Variants in CDH13 observed in about 807,000 individuals in gnomAD.
The protein encoded by CDH13 is cadherin-13.
Under a neutral mutation model 63.8 loss-of-function variants are expected in CDH13, and 24 were observed. The ratio of observed to expected loss-of-function variants is 0.38; its 90% CI spans 0.27 to 0.53. The LOEUF (loss-of-function observed/expected upper bound fraction) is 0.53, where lower values mean the gene tolerates loss of function less well. Among genes scored for constraint, CDH13 ranks in the 20% least tolerant of loss-of-function variants. The pLI, the probability that CDH13 is intolerant of heterozygous loss-of-function variation, is 0.85. For missense variants in CDH13, 1,049 were observed against 903.1 expected, an observed-to-expected ratio of 1.16 and a Z score of -2.07; for synonymous variants, 503 against 355.3, an observed-to-expected ratio of 1.42 and a Z score of -4.67.
intron 2 of CDH13, among the ~76,000 whole-genome samples, chr16:83,000,617 T>G (rs1436106192): frequency 7.0e-6 from 1 of 143,042 alleles, no homozygotes; most frequent in Non-Finnish European, 1.5e-5. Flanking sequence ...TGAGAGGGAG[T>G]CTCGTTCTGT....
intron 6 of CDH13, chr16:83,398,049 A>G (rs544120922): frequency 6.6e-6 from 1 of 152,312 alleles, no homozygotes; most frequent in South Asian, 2.1e-4. Flanking sequence ...CCACAATTCA[A>G]TTACTCTAGA....
intron 6 of CDH13, among the ~76,000 whole-genome samples, chr16:83,410,949 CT>C (rs1407372819): frequency 6.6e-6 from 1 of 152,178 alleles, no homozygotes; most frequent in Non-Finnish European, 1.5e-5. Flanking sequence ...ACTGTCAGTG[CT>C]TCCAGTCTTT....
intron 5 of CDH13, among the ~76,000 whole-genome samples, chr16:83,325,437 G>T (rs1013093327): frequency 6.6e-6 from 1 of 152,090 alleles, no homozygotes; most frequent in Non-Finnish European, 1.5e-5. Flanking sequence ...TAGCATATGG[G>T]TTGGAAAACG....
At chr16:82,816,382 C>T (rs1025014473) in intron 1 of CDH13, among the ~76,000 whole-genome samples, 11 of 151,964 alleles carry the variant, frequency 7.2e-5, no homozygotes, top group Non-Finnish European at 1.5e-4. Flanking sequence ...GCTTATATTC[C>T]GGGGGGAAAA....
chr16:82,876,352 A>C (rs2040502042), intron 2 of CDH13, among the ~76,000 whole-genome samples: 1 of 152,230 alleles, frequency 6.6e-6, no homozygotes, highest in Admixed American at 6.5e-5. Flanking sequence ...ATTTTCCTAG[A>C]TAATTAAATA....
At chr16:82,843,277 G>A (rs1173187147) in intron 1 of CDH13, among the ~76,000 whole-genome samples, 1 of 152,200 alleles carries the variant, frequency 6.6e-6, no homozygotes, top group Admixed American at 6.5e-5. Flanking sequence ...GTCAGTAGAT[G>A]TTACTTGCAT....
chr16:83,475,402 A>T (rs2073575890), intron 6 of CDH13, among the ~76,000 whole-genome samples: 1 of 152,200 alleles, frequency 6.6e-6, no homozygotes, highest in African/African-American at 2.4e-5. Context: ...TGGCTATAAG[A>T]TGCAAGGGTC....
At chr16:83,043,632 G>A (rs1377155887) in intron 3 of CDH13, among the ~76,000 whole-genome samples, 1 of 151,928 alleles carries the variant, frequency 6.6e-6, no homozygotes, top group Non-Finnish European at 1.5e-5. Context: ...GCCAAGGCAG[G>A]CGGATCACTT....
chr16:83,607,126 A>C (rs1908415245), intron 8 of CDH13, among the ~76,000 whole-genome samples: 1 of 152,126 alleles, frequency 6.6e-6, no homozygotes. Flanking sequence ...TCTTATTGCA[A>C]AGTAAGCTCA....
chr16:82,957,558 G>A (rs1043382290), intron 2 of CDH13, among the ~76,000 whole-genome samples: 2 of 152,048 alleles, frequency 1.3e-5, no homozygotes, highest in African/African-American at 4.8e-5. Flanking sequence ...ACATGTACAC[G>A]CCCCCCTGCT....
intron 1 of CDH13, among the ~76,000 whole-genome samples, chr16:82,680,431 C>T (rs1357666457): frequency 2.6e-5 from 4 of 152,268 alleles, no homozygotes; most frequent in South Asian, 4.1e-4. Flanking sequence ...GATTTGAACC[C>T]AGGAAGTGTG....
intron 5 of CDH13, among the ~76,000 whole-genome samples, chr16:83,329,746 G>C (rs1030233260): frequency 1.3e-5 from 2 of 152,094 alleles, no homozygotes; most frequent in African/African-American, 4.8e-5. Flanking sequence ...GATTACTTTA[G>C]AGAGCTCATA....
intron 11 of CDH13, among the ~76,000 whole-genome samples, chr16:83,777,645 C>T (rs915450608): frequency 8.5e-5 from 13 of 152,198 alleles, no homozygotes; most frequent in Admixed American, 8.5e-4. Context: ...CATGCCCACG[C>T]CTGCTTCTAC....
At chr16:83,654,289 A>C (rs1033089666) in intron 8 of CDH13, among the ~76,000 whole-genome samples, 1 of 151,996 alleles carries the variant, frequency 6.6e-6, no homozygotes, top group African/African-American at 2.4e-5. Context: ...TACATCTATA[A>C]GCATGTCTGG....
intron 1 of CDH13, among the ~76,000 whole-genome samples, chr16:82,850,216 T>C (rs2039426690): frequency 9.0e-6 from 1 of 110,880 alleles, no homozygotes; most frequent in Non-Finnish European, 2.0e-5. Context: ...CTAAGAACAT[T>C]TGTGATTCAT....
intron 7 of CDH13, among the ~76,000 whole-genome samples, chr16:83,564,228 T>A (rs2075753966): frequency 6.6e-6 from 1 of 151,960 alleles, no homozygotes; most frequent in Admixed American, 6.6e-5. Flanking sequence ...TTGGACCGAG[T>A]CTGTATTTTC....
At chr16:82,846,526 A>G (rs1480950961) in intron 1 of CDH13, among the ~76,000 whole-genome samples, 4 of 152,220 alleles carry the variant, frequency 2.6e-5, no homozygotes, top group East Asian at 3.9e-4. Context: ...AAACTAAGGC[A>G]AAGAGAATTT....
chr16:82,669,034 G>A (rs867076365), intron 1 of CDH13, among the ~76,000 whole-genome samples: 46 of 152,166 alleles, frequency 3.0e-4, no homozygotes, highest in African/African-American at 9.4e-4. Flanking sequence ...ATCCACATCC[G>A]AGGGAGTAAA....
intron 2 of CDH13, among the ~76,000 whole-genome samples, chr16:82,977,783 C>G (rs1007027742): frequency 6.6e-6 from 1 of 152,114 alleles, no homozygotes; most frequent in Non-Finnish European, 1.5e-5. Flanking sequence ...AACTGGGTAA[C>G]AGGCAGAGGT....
Sources: gnomAD v4.1 joint callset for allele counts (sites outside exome capture counted in the v4.1 genomes callset) on GRCh38, gnomAD v4.1.1 for gene constraint, MANE v1.5 for transcripts, NCBI Gene and HGNC (gene_info 2026-07-23, HGNC 2026-07-21) for gene names.